Variants in SLC25A24 observed in about 807,000 individuals in gnomAD.
SLC25A24 encodes the protein mitochondrial adenyl nucleotide antiporter SLC25A24.
Under a neutral mutation model 60.7 loss-of-function variants are expected in SLC25A24, and 49 were observed. The ratio of observed to expected loss-of-function variants is 0.81; its 90% confidence interval spans 0.64 to 1.02. The LOEUF is 1.02. SLC25A24 is among the 50% of genes least tolerant of loss of function. The pLI is 0.00. For synonymous variants in SLC25A24, 202 were observed against 200.6 expected, an observed-to-expected ratio of 1.01 and a Z score of -0.06; for missense variants, 564 against 586.3, an observed-to-expected ratio of 0.96 and a Z score of 0.39.
chr1:108,152,027 A>G (rs1038328417), intron 6 of SLC25A24, among the ~76,000 whole-genome samples: 1 of 151,986 alleles, frequency 6.6e-6, no homozygotes, highest in East Asian at 1.9e-4. Flanking sequence ...TTATTTAAAT[A>G]TTCTCCCTGC....
intron 7 of SLC25A24, among the ~76,000 whole-genome samples, chr1:108,146,997 T>C (rs766179911): frequency 9.2e-5 from 14 of 152,218 alleles, no homozygotes; most frequent in Non-Finnish European, 1.6e-4. Flanking sequence ...TGGCATCAGC[T>C]CCTCTTTGTA....
rs545383712 is a variant in SLC25A24, at chr1:108,184,423, T to A, written c.310+1405A>T. On this transcript the variant is annotated intron_variant, in intron 2 of 9. Coordinates refer to ENST00000565488, the MANE Select transcript of SLC25A24 (RefSeq NM_013386.5). ...GACTAAGGCTAGACTTAGGGGCATA[T>A]ATTGTAAGGCTTATGGGCAACAAAT... Among the ~76,000 whole-genome samples the A allele has an allele frequency of 1.3e-4, 20 of 152,364 alleles. No homozygotes were observed. The South Asian group carries it at 3.7e-3, about 28-fold the overall frequency.
chr1:108,173,810 G>A (rs1647569282), intron 3 of SLC25A24, among the ~76,000 whole-genome samples: 1 of 152,204 alleles, frequency 6.6e-6, no homozygotes, highest in Admixed American at 6.5e-5. Flanking sequence ...AGGCTGAGAT[G>A]ATCTCAGATG....
chr1:108,178,326 T>G (rs186834464), intron 3 of SLC25A24, among the ~76,000 whole-genome samples: 16 of 152,322 alleles, frequency 1.1e-4, no homozygotes, highest in Admixed American at 8.5e-4. Context: ...AACATCAGAC[T>G]TAAACTATAC....
intron 1 of SLC25A24, chr1:108,192,900 G>T: frequency 7.0e-6 from 4 of 568,352 alleles, no homozygotes; most frequent in Non-Finnish European, 9.6e-6. Flanking sequence ...CGGAGTTCCT[G>T]CCTCACTCAC....
intron 3 of SLC25A24, among the ~76,000 whole-genome samples, chr1:108,168,364 C>A (rs1054491603): frequency 5.3e-5 from 8 of 151,962 alleles, no homozygotes; most frequent in Middle Eastern, 3.2e-3. Flanking sequence ...TTGTTTGACC[C>A]CACCACCCAA....
chr1:108,187,920 C>CT (rs1336177252), intron 1 of SLC25A24, among the ~76,000 whole-genome samples: 10 of 16,670 alleles, frequency 6.0e-4, no homozygotes, highest in Non-Finnish European at 8.9e-4. Flanking sequence ...ATGGATAAGA[C>CT]ATTATAGATA....
chr1:108,158,998 G>A (rs772177503), intron 4 of SLC25A24, among the ~76,000 whole-genome samples: 105 of 152,004 alleles, frequency 6.9e-4, no homozygotes, highest in Non-Finnish European at 1.3e-3. Flanking sequence ...GCAAGACTCC[G>A]TCTCAAAAAA....
At chr1:108,139,393 G>A (rs183243860) in intron 8 of SLC25A24, among the ~76,000 whole-genome samples, 185 bp from the exon 9 acceptor site, 7 of 152,272 alleles carry the variant, frequency 4.6e-5, no homozygotes, top group Admixed American at 1.3e-4. Flanking sequence ...CTGGGGGTGC[G>A]GAACACATGA....
chr1:108,143,149 T>A (rs1289341727), intron 8 of SLC25A24, among the ~76,000 whole-genome samples: 2 of 152,204 alleles, frequency 1.3e-5, no homozygotes, highest in African/African-American at 4.8e-5. Context: ...TATTAAATGA[T>A]TTAGATTGCA....
chr1:108,198,872 G>C (rs979965791), intron 1 of SLC25A24: 1 of 152,196 alleles, frequency 6.6e-6, no homozygotes, highest in African/African-American at 2.4e-5. Flanking sequence ...GACATGGTGG[G>C]GAACTCCAAC....
chr1:108,154,912 T>A, intron 6 of SLC25A24, 71 bp downstream of exon 6: 1 of 1,174,928 alleles, frequency 8.5e-7, no homozygotes, highest in South Asian at 1.5e-5. Flanking sequence ...AAAAGCATTA[T>A]ACATTAACAT....
chr1:108,179,873 C>T (rs186098073), intron 3 of SLC25A24, among the ~76,000 whole-genome samples: 1 of 151,864 alleles, frequency 6.6e-6, no homozygotes, highest in Non-Finnish European at 1.5e-5. Context: ...GTGTTCTCAC[C>T]ACAGAAATCA....
At chr1:108,147,311 C>T (rs1465688777) in intron 7 of SLC25A24, among the ~76,000 whole-genome samples, 2 of 152,080 alleles carry the variant, frequency 1.3e-5, no homozygotes, top group African/African-American at 4.8e-5. Context: ...CTGTTTTCTT[C>T]TTTATTATTC....
In SLC25A24 at chr1:108,200,053, T is replaced by C. The variant is rs983347460; in HGVS notation, c.86A>G (p.Gln29Arg). The C allele has an allele frequency of 3.1e-6, 5 of 1,604,844 alleles. No homozygotes were observed. The highest frequency in any genetic ancestry group is 2.3e-5 in the South Asian group (2 of 88,850). The change falls in exon 1 of 10, where the codon CAG (glutamine) becomes CGG (arginine). Residue 29 changes from glutamine (Q) to arginine (R), a missense_variant. Physicochemically the swap from Gln to Arg is conservative, Grantham distance 43. Coordinates refer to ENST00000565488, the MANE Select transcript of SLC25A24 (RefSeq NM_013386.5). ...EQPTRYETLF[Q>R]ALDRNGDGVV... ...TCCGTCCCCATTGCGGTCCAGTGCC[T>C]GGAAGAGGGTCTCGTAGCGCGTCGG...
intron 4 of SLC25A24, among the ~76,000 whole-genome samples, chr1:108,160,712 C>A (rs907121432): frequency 6.6e-6 from 1 of 152,248 alleles, no homozygotes; most frequent in African/African-American, 2.4e-5. Context: ...CCTCGGGAGG[C>A]CGAGGCTGGT....
intron 3 of SLC25A24, among the ~76,000 whole-genome samples, chr1:108,181,571 T>A (rs1647931473): frequency 6.6e-6 from 1 of 152,212 alleles, no homozygotes; most frequent in Non-Finnish European, 1.5e-5. Context: ...CTAGGTTAAA[T>A]AATGTGATGA....
intron 6 of SLC25A24, among the ~76,000 whole-genome samples, chr1:108,154,366 AT>A (rs2101610747): frequency 6.6e-6 from 1 of 152,300 alleles, no homozygotes; most frequent in South Asian, 2.1e-4. Context: ...TTACCTCTGT[AT>A]TTCCCCTTTA....
intron 3 of SLC25A24, among the ~76,000 whole-genome samples, chr1:108,161,565 G>A (rs550463785): frequency 3.3e-5 from 5 of 152,108 alleles, no homozygotes; most frequent in Non-Finnish European, 7.4e-5. Context: ...CTGCCAATGA[G>A]CTACAAAACA....
Sources: allele counts gnomAD v4.1 joint callset (sites outside exome capture counted in the v4.1 genomes callset), GRCh38; gene constraint gnomAD v4.1.1; transcripts MANE v1.5; gene names NCBI Gene and HGNC (gene_info 2026-07-23, HGNC 2026-07-21).